The following CACNA2D3 variants were observed in gnomAD, a reference collection of about 807,000 sequenced individuals.
CACNA2D3 encodes calcium voltage-gated channel auxiliary subunit alpha2delta 3.
CACNA2D3 carries 60 observed loss-of-function variants against 160.6 expected under a neutral mutation model. The ratio of observed to expected loss-of-function variants is 0.37; its 90% CI spans 0.30 to 0.46. The LOEUF (loss-of-function observed/expected upper bound fraction) is 0.46, where lower values mean the gene tolerates loss of function less well. CACNA2D3 is among the 20% of genes least tolerant of loss of function. CACNA2D3 has a pLI of 1.00. For synonymous variants in CACNA2D3, 558 were observed against 492.9 expected (o/e 1.13, Z -1.75); for missense variants, 1,205 against 1,365.0 (o/e 0.88, Z 1.85).
intron 26 of CACNA2D3, among the ~76,000 whole-genome samples, chr3:54,898,196 C>CCT (rs1341738240): frequency 8.9e-6 from 1 of 112,378 alleles, no homozygotes; most frequent in Non-Finnish European, 1.8e-5. Flanking sequence ...CTTTTCTTTT[C>CCT]CTCTCTCTCT....
intron 2 of CACNA2D3, among the ~76,000 whole-genome samples, chr3:54,303,818 GTTTT>G (rs71617795): frequency 0.084 from 9,623 of 114,864 alleles, 389 homozygotes; most frequent in South Asian, 0.13. Flanking sequence ...CTTTTTTTCT[GTTTT>G]TTTTTTTTTT....
At chr3:54,523,861 A>G (rs1232708227) in intron 5 of CACNA2D3, among the ~76,000 whole-genome samples, 3 of 151,932 alleles carry the variant, frequency 2.0e-5, no homozygotes, top group African/African-American at 7.2e-5. Context: ...GCCCTCTTTC[A>G]GATTCTGGTA....
rs1207161884 is a variant in CACNA2D3 at position 55,060,396 on chromosome 3, T to C, written c.2988-13049T>C. Among the ~76,000 whole-genome samples, 4 of 152,130 alleles carry C rather than the reference T, an allele frequency of 2.6e-5. No homozygotes were observed. The South Asian group carries it at 8.3e-4, about 31-fold the overall frequency. ...TCACGATGATGGTGGTGATTAGTTATATAGAGTGTAAAGGATGAAACAAAG... is the reference window on the plus strand; with the variant it reads ...TCACGATGATGGTGGTGATTAGTTACATAGAGTGTAAAGGATGAAACAAAG... On this transcript the variant is annotated intron_variant, in intron 35 of 37. Coordinates refer to ENST00000474759, the MANE Select transcript of CACNA2D3 (RefSeq NM_018398.3).
At chr3:54,657,496 G>T (rs1322184502) in intron 11 of CACNA2D3, among the ~76,000 whole-genome samples, 3 of 152,100 alleles carry the variant, frequency 2.0e-5, no homozygotes, top group African/African-American at 7.2e-5. Flanking sequence ...TTGTATAACG[G>T]TAACTTTATA....
chr3:54,455,812 C>G (rs543558479), intron 4 of CACNA2D3, among the ~76,000 whole-genome samples: 1 of 152,230 alleles, frequency 6.6e-6, no homozygotes, highest in South Asian at 2.1e-4. Context: ...GTATTTCCAG[C>G]ACCATTTATT....
intron 2 of CACNA2D3, among the ~76,000 whole-genome samples, chr3:54,231,712 T>G (rs55927212): frequency 0.097 from 14,703 of 152,310 alleles, 812 homozygotes; most frequent in East Asian, 0.22. Flanking sequence ...AAAAATTTGT[T>G]GAATGAATGA....
chr3:54,831,672 A>C (rs1012001660), intron 14 of CACNA2D3, among the ~76,000 whole-genome samples: 3 of 152,196 alleles, frequency 2.0e-5, no homozygotes, highest in African/African-American at 7.2e-5. Context: ...AAAGATATGC[A>C]ACCATCCATC....
chr3:54,247,491 G>T (rs771841610), intron 2 of CACNA2D3, among the ~76,000 whole-genome samples: 10 of 152,116 alleles, frequency 6.6e-5, no homozygotes, highest in Non-Finnish European at 1.3e-4. Context: ...TAGAAATAAA[G>T]ATTAAACTAG....
At chr3:54,763,299 A>G (rs149523492) in intron 12 of CACNA2D3, among the ~76,000 whole-genome samples, 74 of 152,176 alleles carry the variant, frequency 4.9e-4, no homozygotes, top group Non-Finnish European at 8.8e-4. Context: ...AACATAGGCA[A>G]AAAACATATC....
At chr3:54,404,579 A>G (rs189978141) in intron 4 of CACNA2D3, among the ~76,000 whole-genome samples, 1 of 152,314 alleles carries the variant, frequency 6.6e-6, no homozygotes. Context: ...CTGTAAGGTA[A>G]GAATGCCCAC....
intron 11 of CACNA2D3, among the ~76,000 whole-genome samples, chr3:54,717,805 TGC>T (rs1701088633): frequency 7.2e-6 from 1 of 139,104 alleles, no homozygotes; most frequent in African/African-American, 2.6e-5. Flanking sequence ...TGTGCGTGTG[TGC>T]GCATGTTTGC....
In CACNA2D3 at chr3:55,021,715, G is replaced by GTGTGTATATATA. The variant is rs1553632885; in HGVS notation, c.2987+3399_2987+3400insGTGTATATATAT. ...TATGTGTGTATATATATATGTGTGT[G>GTGTGTATATATA]TATATATATATATATAGCCTTCATT... On this transcript the variant is annotated intron_variant, in intron 35 of 37. Coordinates refer to ENST00000474759, the MANE Select transcript of CACNA2D3 (RefSeq NM_018398.3). 6.5e-3 allele frequency among the ~76,000 whole-genome samples: 914 copies of GTGTGTATATATA among 141,290 alleles called. 17 individuals carry two copies. The highest frequency in any genetic ancestry group is 0.023 in the African/African-American group (856 of 37,538). The allele number at this position is 141,290 out of a possible 152,430, so 92.7% of individuals were successfully genotyped here.
At chr3:54,916,960 T>C (rs539415794) in intron 27 of CACNA2D3, among the ~76,000 whole-genome samples, 1 of 152,326 alleles carries the variant, frequency 6.6e-6, no homozygotes, top group South Asian at 2.1e-4. Context: ...CTGAGATTGA[T>C]TAGCAATGTC....
chr3:54,454,975 T>G (rs890413023), intron 4 of CACNA2D3, among the ~76,000 whole-genome samples: 3 of 152,178 alleles, frequency 2.0e-5, no homozygotes, highest in Non-Finnish European at 4.4e-5. Flanking sequence ...ACATTCCACA[T>G]TTGCTCTGTT....
At chr3:55,034,135 A>T (rs1319984651) in intron 35 of CACNA2D3, among the ~76,000 whole-genome samples, 1 of 151,674 alleles carries the variant, frequency 6.6e-6, no homozygotes, top group Non-Finnish European at 1.5e-5. Flanking sequence ...GGGAAAAAAA[A>T]TGCACTCTGG....
intron 11 of CACNA2D3, among the ~76,000 whole-genome samples, chr3:54,700,358 G>T (rs1471251019): frequency 1.3e-5 from 2 of 152,208 alleles, no homozygotes; most frequent in South Asian, 2.1e-4. Context: ...TGCCCAACAT[G>T]GTGGCCATCA....
At chr3:54,797,989 A>G (rs1387460228) in intron 13 of CACNA2D3, among the ~76,000 whole-genome samples, 1 of 152,232 alleles carries the variant, frequency 6.6e-6, no homozygotes, top group Non-Finnish European at 1.5e-5. Flanking sequence ...ATTTCATCCT[A>G]GAAGGTCCCA....
chr3:54,264,557 T>C (rs1054831441), intron 2 of CACNA2D3, among the ~76,000 whole-genome samples: 1 of 152,196 alleles, frequency 6.6e-6, no homozygotes, highest in Non-Finnish European at 1.5e-5. Context: ...CGTTTCTTTT[T>C]CTTTAAGTTT....
At chr3:54,160,150 A>G (rs2107295722) in intron 2 of CACNA2D3, among the ~76,000 whole-genome samples, 1 of 152,304 alleles carries the variant, frequency 6.6e-6, no homozygotes, top group East Asian at 1.9e-4. Flanking sequence ...ACAGGAGAAT[A>G]TTTTGGGAAC....
Sources: gnomAD v4.1 joint callset for allele counts (sites outside exome capture counted in the v4.1 genomes callset) on GRCh38, gnomAD v4.1.1 for gene constraint, MANE v1.5 for transcripts, NCBI Gene and HGNC (gene_info 2026-07-23, HGNC 2026-07-21) for gene names.